Variants in NRXN3 observed in about 807,000 individuals in gnomAD.
NRXN3 encodes the protein neurexin 3.
NRXN3 carries 32 observed loss-of-function variants against 137.6 expected under a neutral mutation model. The ratio of observed to expected loss-of-function variants is 0.23; its 90% CI spans 0.18 to 0.31. The LOEUF (loss-of-function observed/expected upper bound fraction) is 0.31, where lower values mean the gene tolerates loss of function less well. Ranked by LOEUF, NRXN3 falls within the 10% of genes least tolerant of loss-of-function variation. The probability of loss-of-function intolerance (pLI) is 1.00; values close to 1 mark genes in which losing one functional copy is unlikely to be tolerated. For missense variants in NRXN3, 1,574 were observed against 2,062.5 expected, an observed-to-expected ratio of 0.76 and a Z score of 4.59; for synonymous variants, 798 against 784.5, an observed-to-expected ratio of 1.02 and a Z score of -0.29.
intron 15 of NRXN3, among the ~76,000 whole-genome samples, chr14:79,001,510 G>A (rs754288523): frequency 1.1e-4 from 16 of 152,114 alleles, no homozygotes; most frequent in African/African-American, 3.4e-4. Context: ...ACATTCTGTC[G>A]TCATTATGCT....
chr14:79,550,994 C>A (rs74068052), intron 16 of NRXN3, among the ~76,000 whole-genome samples: 2,848 of 152,264 alleles, frequency 0.019, 96 homozygotes, highest in African/African-American at 0.066. Flanking sequence ...ATTGCCTGGG[C>A]ATTAGAAGTA....
chr14:78,450,105 T>C lies in NRXN3; in HGVS notation c.757+152245T>C, dbSNP rs957238090. ...AATTTAAAATGGATAAAACAAGCAC[T>C]GGCAAGAAATCCATCAATCTGCTAG... On this transcript the variant is annotated intron_variant, in intron 4 of 20. Transcript: ENST00000335750. 2.0e-5 allele frequency among the ~76,000 whole-genome samples: 3 copies of C among 152,180 alleles called. No individual in the cohort carries two copies. The East Asian group carries it at 5.8e-4, about 29-fold the overall frequency.
At chr14:79,478,177 ATATAT>A (rs1217288711) in intron 16 of NRXN3, among the ~76,000 whole-genome samples, 1 of 147,904 alleles carries the variant, frequency 6.8e-6, no homozygotes, top group Admixed American at 6.8e-5. Context: ...ATATTTAAAT[ATATAT>A]TATTTTATAT....
At chr14:79,182,118 ATT>A (rs2062990556) in intron 15 of NRXN3, among the ~76,000 whole-genome samples, 2 of 152,034 alleles carry the variant, frequency 1.3e-5, no homozygotes, top group South Asian at 4.1e-4. Context: ...TGTTTAATTT[ATT>A]TTATGTCCTT....
At chr14:78,342,910 C>G (rs956069011) in intron 4 of NRXN3, among the ~76,000 whole-genome samples, 1 of 152,124 alleles carries the variant, frequency 6.6e-6, no homozygotes, top group Non-Finnish European at 1.5e-5. Context: ...TTTATCTACT[C>G]CCCCTGCCTC....
intron 15 of NRXN3, among the ~76,000 whole-genome samples, chr14:79,350,746 A>T (rs2093166194): frequency 6.6e-6 from 1 of 152,120 alleles, no homozygotes; most frequent in African/African-American, 2.4e-5. Context: ...TCTGAGCTAC[A>T]TGGTTAGGTC....
rs80137512 is a variant in NRXN3, at chr14:79,742,513, C to T, written c.4014+44576C>T. ...ATTTGAGACTTGTTTCAGAATCTCT[C>T]CACCTATATTATCATGTCAATCCAA... is the stretch of plus-strand genomic sequence containing the variant. On this transcript the variant is annotated intron_variant, in intron 19 of 20. Coordinates refer to ENST00000335750, the MANE Select transcript of NRXN3 (RefSeq NM_001330195.2). Among the ~76,000 whole-genome samples, 348 of 152,244 alleles carry T rather than the reference C, an allele frequency of 2.3e-3. 11 individuals are homozygous for T. The East Asian group carries it at 0.043, about 19-fold the overall frequency.
At chr14:79,336,748 C>G (rs2092288665) in intron 15 of NRXN3, among the ~76,000 whole-genome samples, 1 of 152,198 alleles carries the variant, frequency 6.6e-6, no homozygotes, top group Admixed American at 6.5e-5. Context: ...ATGACTCTTT[C>G]AACTCCTAAG....
At chr14:79,504,675 A>ATATATATATATATATATATATATATATAT (rs1418274750) in intron 16 of NRXN3, among the ~76,000 whole-genome samples, 7 of 142,138 alleles carry the variant, frequency 4.9e-5, no homozygotes, top group African/African-American at 1.9e-4. Flanking sequence ...ATATATATAT[A>ATATATATATATATATATATATATATATAT]AAACATTACA....
At chr14:78,853,996 C>T (rs1308181067) in intron 10 of NRXN3, among the ~76,000 whole-genome samples, 1 of 152,184 alleles carries the variant, frequency 6.6e-6, no homozygotes, top group Non-Finnish European at 1.5e-5. Flanking sequence ...GAGGTATTTG[C>T]TCAGCCGTAG....
intron 16 of NRXN3, among the ~76,000 whole-genome samples, chr14:79,511,414 C>A (rs1474163378): frequency 2.0e-5 from 3 of 152,170 alleles, no homozygotes; most frequent in East Asian, 1.9e-4. Context: ...AGCTGTTACT[C>A]CGTGATCCCC....
intron 16 of NRXN3, among the ~76,000 whole-genome samples, chr14:79,585,683 T>TAAAAAAAAAA (rs1264605001): frequency 1.3e-5 from 1 of 75,940 alleles, no homozygotes; most frequent in Non-Finnish European, 2.4e-5. Flanking sequence ...GACTCCATCT[T>TAAAAAAAAAA]AAAAAAAAAA....
intron 20 of NRXN3, among the ~76,000 whole-genome samples, chr14:79,859,210 T>A (rs114275367): frequency 0.021 from 3,131 of 152,258 alleles, 116 homozygotes; most frequent in African/African-American, 0.072. Context: ...TGCAACATTC[T>A]GTTGTCCCTT....
chr14:79,418,084 G>T (rs1397755046), intron 15 of NRXN3, among the ~76,000 whole-genome samples: 1 of 152,080 alleles, frequency 6.6e-6, no homozygotes, highest in Non-Finnish European at 1.5e-5. Context: ...GATAAAGAAA[G>T]AAAGAACATC....
chr14:79,196,613 G>A (rs2065162265), intron 15 of NRXN3, among the ~76,000 whole-genome samples: 1 of 151,846 alleles, frequency 6.6e-6, no homozygotes, highest in Non-Finnish European at 1.5e-5. Context: ...TCTGTAGAAT[G>A]TTGCCCTTAA....
chr14:78,243,431 TG>T lies in NRXN3; in HGVS notation c.340del (p.Val114Ter). ...QVNDSSWHFL[M>X]VSRDRLRTVL... The stretch of plus-strand genomic sequence containing the variant: ...AATGACAGCAGCTGGCACTTCCTCA[TG>T]GTGAGCCGTGACCGCCTGCGCACGG... On this transcript the variant is annotated frameshift_variant, in exon 2 of 21. Transcript: ENST00000335750. LOFTEE classifies it high-confidence loss of function. This position sits in a 1 kb window ranked among gnomAD's most constrained non-coding sequence, Gnocchi z 4.2. 6.4e-7 allele frequency: 1 copy of T among 1,569,116 alleles called. No individual in the cohort carries two copies.
intron 4 of NRXN3, among the ~76,000 whole-genome samples, chr14:78,319,167 G>C (rs933994137): frequency 2.0e-5 from 3 of 152,224 alleles, no homozygotes; most frequent in African/African-American, 7.2e-5. Flanking sequence ...CTCCTTGGAA[G>C]TAGATGGGAG....
At chr14:79,846,895 A>T (rs2099376712) in intron 20 of NRXN3, among the ~76,000 whole-genome samples, 1 of 152,212 alleles carries the variant, frequency 6.6e-6, no homozygotes, top group African/African-American at 2.4e-5. Flanking sequence ...TTAGTTGCTT[A>T]TATTTTACCC....
chr14:78,297,957 C>G, intron 4 of NRXN3, 97 bp downstream of exon 4: 1 of 1,384,998 alleles, frequency 7.2e-7, no homozygotes, highest in Non-Finnish European at 9.9e-7. Flanking sequence ...GCAGGCCATT[C>G]GCTGCCTGTC....
Sources: allele counts gnomAD v4.1 joint callset (sites outside exome capture counted in the v4.1 genomes callset), GRCh38; gene constraint gnomAD v4.1.1; non-coding constraint Gnocchi (gnomAD v3.1); transcripts MANE v1.5; gene names NCBI Gene and HGNC (gene_info 2026-07-23, HGNC 2026-07-21).